CASK: variants seen among roughly 807,000 people sequenced by gnomAD.
CASK encodes the protein peripheral plasma membrane protein CASK.
Under a neutral mutation model 82.9 loss-of-function variants are expected in CASK, and 4 were observed. The ratio of observed to expected loss-of-function variants is 0.05; its 90% CI spans 0.02 to 0.11. The LOEUF is 0.11. CASK is among the 10% of genes least tolerant of loss of function. CASK has a pLI of 1.00. For synonymous variants in CASK, 259 were observed against 253.5 expected (o/e 1.02, Z -0.20); for missense variants, 358 against 720.9 (o/e 0.50, Z 5.76).
chrX:41,606,505 G>A (rs1381728337), intron 12 of CASK, among the ~76,000 whole-genome samples: 2 of 111,523 alleles, frequency 1.8e-5, no homozygotes, highest in Non-Finnish European at 3.8e-5. Context: ...CGCCCGCCTT[G>A]GCCTCCCAAA....
Position 41,905,948 on chromosome X carries a change from T to C in CASK, c.59+16982A>G, listed in dbSNP as rs1207480741. 1.3e-4 allele frequency among the ~76,000 whole-genome samples: 15 copies of C among 112,436 alleles called. No homozygotes were observed. In the Admixed American group the frequency reaches 1.4e-3, roughly 11 times the overall value. On this transcript the variant is annotated intron_variant, in intron 1 of 26. Coordinates refer to ENST00000378163, the MANE Select transcript of CASK (RefSeq NM_001367721.1). ...TTCTTTTCTTCATCTAATTAGAGCA[T>C]TGGTCTTACAGATCTCAACTAGGGA... is the stretch of plus-strand genomic sequence containing the variant.
At chrX:41,526,698 T>C (rs962945489) in intron 25 of CASK, among the ~76,000 whole-genome samples, 2 of 112,000 alleles carry the variant, frequency 1.8e-5, no homozygotes, top group Admixed American at 1.9e-4. Flanking sequence ...GCCCTGGTTG[T>C]CAGGAAGTTC....
At chrX:41,624,893 A>G (rs1378471489) in intron 10 of CASK, among the ~76,000 whole-genome samples, 1 of 111,560 alleles carries the variant, frequency 9.0e-6, no homozygotes, top group Non-Finnish European at 1.9e-5. Context: ...GTAATATATG[A>G]ATATTGATGA....
chrX:41,636,970 T>A (rs2066565310), intron 8 of CASK, among the ~76,000 whole-genome samples: 1 of 111,642 alleles, frequency 9.0e-6, no homozygotes, highest in Non-Finnish European at 1.9e-5. Flanking sequence ...GTTACTTTTT[T>A]TTTTTTGAGA....
At chrX:41,697,729 C>T (rs1019721107) in intron 5 of CASK, 1 of 111,561 alleles carries the variant, frequency 9.0e-6, no homozygotes, top group Non-Finnish European at 1.9e-5. Flanking sequence ...TAAAAAAAAC[C>T]CCACAAAATT....
chrX:41,626,512 T>C, intron 10 of CASK, 92 bp downstream of exon 10: 1 of 588,150 alleles, frequency 1.7e-6, no homozygotes. Context: ...AGGATTTAAC[T>C]AAATGCACAG....
rs73193121 is a variant in CASK at position 41,687,203 on chromosome X, T to C, written c.430-15673A>G. Among the ~76,000 whole-genome samples, 195 of 112,529 alleles carry C rather than the reference T, an allele frequency of 1.7e-3. 1 individual carries two copies. The highest frequency in any genetic ancestry group is 3.0e-3 in the Non-Finnish European group (158 of 53,310). ...TAGAATGCACGTAGTTAAATGCCTATTTAGTCATTAAAAAATTCCTGCTAG... is the reference window on the plus strand; with the variant it reads ...TAGAATGCACGTAGTTAAATGCCTACTTAGTCATTAAAAAATTCCTGCTAG... On this transcript the variant is annotated intron_variant, in intron 5 of 26. Transcript: ENST00000378163.
intron 25 of CASK, among the ~76,000 whole-genome samples, chrX:41,528,084 A>C (rs768153870): frequency 6.2e-5 from 7 of 112,383 alleles, no homozygotes; most frequent in Non-Finnish European, 1.1e-4. Flanking sequence ...AAGAATAAAA[A>C]TTTAAAAATC....
chrX:41,570,152 G>GC (rs763292983), intron 15 of CASK, among the ~76,000 whole-genome samples: 1 of 107,523 alleles, frequency 9.3e-6, no homozygotes, highest in East Asian at 2.9e-4. Flanking sequence ...AAAGGTGCCT[G>GC]CCACCATGCC....
At chrX:41,559,886 T>C (rs769084815) in intron 17 of CASK, 39 bp from the exon 18 acceptor site, 1 of 1,124,408 alleles carries the variant, frequency 8.9e-7, no homozygotes, top group Admixed American at 2.3e-5. Context: ...AAAGTTTTCT[T>C]ACAAACAATT....
intron 2 of CASK, among the ~76,000 whole-genome samples, chrX:41,805,871 C>T (rs1395746616): frequency 9.0e-6 from 1 of 111,093 alleles, no homozygotes; most frequent in Admixed American, 9.6e-5. Context: ...AGACGGAGTG[C>T]CCCTAAGAGC....
intron 5 of CASK, chrX:41,728,183 T>C (rs1207169231): frequency 2.7e-6 from 1 of 365,376 alleles, no homozygotes; most frequent in Non-Finnish European, 4.7e-6. Flanking sequence ...AATAAACATA[T>C]ATTCATAAAA....
intron 14 of CASK, among the ~76,000 whole-genome samples, chrX:41,579,047 T>C (rs752373093): frequency 1.5e-3 from 165 of 112,163 alleles, no homozygotes; most frequent in Middle Eastern, 4.6e-3. Flanking sequence ...GTAATTTAGC[T>C]AAAAGAATCA....
intron 2 of CASK, among the ~76,000 whole-genome samples, chrX:41,833,895 C>T (rs2070877581): frequency 9.0e-6 from 1 of 111,026 alleles, no homozygotes; most frequent in Admixed American, 9.6e-5. Context: ...ACTACAGGCA[C>T]ATGCCACCAT....
intron 15 of CASK, among the ~76,000 whole-genome samples, chrX:41,570,209 T>C (rs956661965): frequency 1.0e-4 from 11 of 109,066 alleles, no homozygotes; most frequent in Non-Finnish European, 2.1e-4. Context: ...AGGAAAGAGA[T>C]GGTTCACTAT....
At chrX:41,853,941 A>C (rs2071313962) in intron 1 of CASK, among the ~76,000 whole-genome samples, 1 of 111,895 alleles carries the variant, frequency 8.9e-6, no homozygotes, top group African/African-American at 3.2e-5. Flanking sequence ...CTCCAATAAA[A>C]TCTGGGCAAA....
chrX:41,816,621 G>GA (rs376196179), intron 2 of CASK, among the ~76,000 whole-genome samples: 187 of 97,087 alleles, frequency 1.9e-3, no homozygotes, highest in African/African-American at 5.8e-3. Context: ...AGGCTGCTCA[G>GA]AAAAAAAAAA....
intron 15 of CASK, among the ~76,000 whole-genome samples, chrX:41,570,751 A>G (rs1041249612): frequency 8.9e-6 from 1 of 111,914 alleles, no homozygotes; most frequent in Non-Finnish European, 1.9e-5. Flanking sequence ...AGATTCCACC[A>G]TGATGTTGCA....
intron 1 of CASK, among the ~76,000 whole-genome samples, chrX:41,866,025 G>C (rs1324525076): frequency 8.9e-6 from 1 of 112,384 alleles, no homozygotes; most frequent in Non-Finnish European, 1.9e-5. Flanking sequence ...CCACCTGCTG[G>C]GGCCAGTTGG....
Sources: gnomAD v4.1 joint callset for allele counts (sites outside exome capture counted in the v4.1 genomes callset) on GRCh38, gnomAD v4.1.1 for gene constraint, MANE v1.5 for transcripts, NCBI Gene and HGNC (gene_info 2026-07-23, HGNC 2026-07-21) for gene names.